SNX14: variants seen among roughly 807,000 people sequenced by gnomAD.
SNX14 encodes the protein sorting nexin-14.
In SNX14, 93 loss-of-function variants were observed where a neutral mutation model predicts 133.8. That is an observed-to-expected ratio of 0.70 (90% CI 0.59 to 0.83). The LOEUF (loss-of-function observed/expected upper bound fraction) is 0.83, where lower values mean the gene tolerates loss of function less well. Ranked by LOEUF, SNX14 falls within the 40% of genes least tolerant of loss-of-function variation. The pLI, the probability that SNX14 is intolerant of heterozygous loss-of-function variation, is 0.00. For missense variants in SNX14, 945 were observed against 1,094.9 expected, an observed-to-expected ratio of 0.86 and a Z score of 1.93; for synonymous variants, 368 against 365.6, an observed-to-expected ratio of 1.01 and a Z score of -0.07.
At position 85,547,205 on chromosome 6, in the gene SNX14, G is replaced by A. The variant is rs768876130; in HGVS notation, c.1015C>T (p.Gln339Ter). ...KPSVLKLELK[Q>*]IREQQDLLFR... ...AAAAGATCTTGTTGCTCTCTGATTTGCTTCAATTCTAACTTCAGCACCTTG... is the reference window on the plus strand; with the variant it reads ...AAAAGATCTTGTTGCTCTCTGATTTACTTCAATTCTAACTTCAGCACCTTG... The change falls in exon 12 of 29, where the codon CAA becomes TAA. Residue 339 changes from glutamine to a stop codon, truncating the protein, a stop_gained. Coordinates refer to ENST00000314673, the MANE Select transcript of SNX14 (RefSeq NM_153816.6). LOFTEE classifies it high-confidence loss of function. The A allele has an allele frequency of 6.2e-7, 1 of 1,613,980 alleles. No homozygotes were observed. The highest frequency in any genetic ancestry group is 8.5e-7 in the Non-Finnish European group (1 of 1,179,944).
At chr6:85,574,472 T>G (rs1796691343) in intron 1 of SNX14, 94 bp from the exon 2 acceptor site, 1 of 823,702 alleles carries the variant, frequency 1.2e-6, no homozygotes, top group African/African-American at 1.8e-5. Context: ...ATTAAGCACC[T>G]ACAATATCAG....
Position 85,514,164 on chromosome 6 carries a change from GT to G in SNX14, c.2462del (p.Asn821ThrfsTer15). On this transcript the variant is annotated frameshift_variant, in exon 25 of 29. Transcript: ENST00000314673. LOFTEE classifies it high-confidence loss of function. The stretch of plus-strand genomic sequence containing the variant: ...AGTAATCAGTATACATTTCCAGGGT[GT>G]TTTTAAAGAGGATTCGAGTTCCCAT... Reference protein sequence around the residue: ...LLMGTRILFKNTLEMYTDYYL... With the variant: ...LLMGTRILFKXTLEMYTDYYL... 6.2e-7 allele frequency: 1 copy of G among 1,614,022 alleles called. No homozygotes were observed. The highest frequency in any genetic ancestry group is 8.5e-7 in the Non-Finnish European group (1 of 1,179,946).
At chr6:85,556,506 T>C (rs1384303877) in intron 7 of SNX14, among the ~76,000 whole-genome samples, 3 of 148,482 alleles carry the variant, frequency 2.0e-5, no homozygotes, top group African/African-American at 7.5e-5. Context: ...AGTCTTGCTC[T>C]ATCACCCAGG....
At chr6:85,557,534 G>C (rs1376056389) in intron 7 of SNX14, among the ~76,000 whole-genome samples, 1 of 152,166 alleles carries the variant, frequency 6.6e-6, no homozygotes, top group East Asian at 1.9e-4. Context: ...TATCTGACTA[G>C]ATAGAAAAGG....
intron 4 of SNX14, among the ~76,000 whole-genome samples, 153 bp downstream of exon 4, chr6:85,571,984 G>C (rs775121950): frequency 2.0e-5 from 3 of 152,124 alleles, no homozygotes; most frequent in African/African-American, 4.8e-5. Flanking sequence ...TACTACTCAA[G>C]TTGTTTAGTC....
chr6:85,544,154 A>G (rs1784759356), intron 12 of SNX14, among the ~76,000 whole-genome samples: 1 of 152,222 alleles, frequency 6.6e-6, no homozygotes, highest in African/African-American at 2.4e-5. Flanking sequence ...TTTTTAAACA[A>G]TATTTCTATC....
intron 21 of SNX14, among the ~76,000 whole-genome samples, chr6:85,521,587 T>C (rs936243890): frequency 2.6e-5 from 4 of 152,190 alleles, no homozygotes; most frequent in Non-Finnish European, 5.9e-5. Context: ...TATCCATAAA[T>C]ATTTCCTCCC....
chr6:85,574,409 C>G (rs1796665410), intron 1 of SNX14, 31 bp from the exon 2 acceptor site: 1 of 1,453,328 alleles, frequency 6.9e-7, no homozygotes, highest in African/African-American at 1.4e-5. Flanking sequence ...ATTATTACAA[C>G]CAAAGAAAAT....
chr6:85,526,673 T>C (rs1778577249), intron 20 of SNX14, among the ~76,000 whole-genome samples: 1 of 152,208 alleles, frequency 6.6e-6, no homozygotes, highest in South Asian at 2.1e-4. Context: ...TCCTGATAAA[T>C]TTTTAAAAGT....
Position 85,574,299 on chromosome 6 carries a change from G to C in SNX14, c.220C>G (p.Leu74Val), listed in dbSNP as rs368201363. The change falls in exon 2 of 29, where the codon CTC becomes GTC. Residue 74 changes from leucine to valine, a missense_variant. Physicochemically the swap from Leu to Val is conservative, Grantham distance 32 (BLOSUM62 1). Around this residue, in one of 3 missense-constraint regions of SNX14, gnomAD observed 514 missense variants for 538.8 expected, o/e 0.95. Transcript: ENST00000314673. ...ATTGTGAAGAATATATTTGGTAAGA[G>C]AGAATCAGGTCCTAGTGAGCAGTAG... ...TFYCSLGPDS[L>V]LPNIFFTIKY... 1.9e-6 allele frequency: 3 copies of C among 1,595,984 alleles called. No individual in the cohort carries two copies. The highest frequency in any genetic ancestry group is 1.3e-5 in the African/African-American group (1 of 74,726).
At chr6:85,566,512 AC>A (rs1793889340) in intron 5 of SNX14, among the ~76,000 whole-genome samples, 1 of 152,070 alleles carries the variant, frequency 6.6e-6, no homozygotes, top group Non-Finnish European at 1.5e-5. Context: ...AGCCTGACCA[AC>A]ATGGGGAAAC....
chr6:85,573,679 ATCATT>A (rs1796387919), intron 2 of SNX14, among the ~76,000 whole-genome samples: 1 of 152,206 alleles, frequency 6.6e-6, no homozygotes, highest in Non-Finnish European at 1.5e-5. Context: ...ATAGGATTAG[ATCATT>A]TAACCCAGAA....
chr6:85,506,973 C>A (rs1337884000), intron 28 of SNX14, among the ~76,000 whole-genome samples: 1 of 152,094 alleles, frequency 6.6e-6, no homozygotes, highest in Admixed American at 6.5e-5. Flanking sequence ...ACTTCTTCCC[C>A]TGGAAAGACT....
intron 18 of SNX14, among the ~76,000 whole-genome samples, chr6:85,532,806 T>C (rs926039974): frequency 5.3e-5 from 8 of 152,232 alleles, no homozygotes; most frequent in African/African-American, 1.9e-4. Context: ...CCGGTCTCTA[T>C]TACAGTCTAT....
chr6:85,588,934 G>C (rs1189698689), intron 1 of SNX14: 1 of 454,486 alleles, frequency 2.2e-6, no homozygotes. Flanking sequence ...CTGAAGAGGA[G>C]GGGTTGGTCT....
At chr6:85,518,212 T>C (rs890389148) in intron 21 of SNX14, among the ~76,000 whole-genome samples, 164 bp from the exon 22 acceptor site, 3 of 152,116 alleles carry the variant, frequency 2.0e-5, no homozygotes, top group Admixed American at 6.6e-5. Context: ...TCAATAAATA[T>C]GGTATTCTGA....
intron 4 of SNX14, among the ~76,000 whole-genome samples, chr6:85,569,684 G>A (rs1413047200): frequency 6.6e-6 from 1 of 152,086 alleles, no homozygotes; most frequent in Admixed American, 6.6e-5. Context: ...ATTGAGTTCT[G>A]TAATCAACCA....
intron 23 of SNX14, among the ~76,000 whole-genome samples, chr6:85,517,079 T>C (rs1218297316): frequency 6.6e-6 from 1 of 152,190 alleles, no homozygotes; most frequent in Non-Finnish European, 1.5e-5. Flanking sequence ...TCTGCAACAA[T>C]TGTGTCAATA....
rs757891999 is a variant in SNX14 at position 85,572,361 on chromosome 6, T to C, written c.275A>G (p.Gln92Arg). Reference protein sequence around the residue: ...IKYKPKQLGLQELFPQGHSCA... With the variant: ...IKYKPKQLGLRELFPQGHSCA... ...GCTATGACCTTGAGGAAATAATTCC[T>C]GAAGTCCTAACTGCTAAAAAAGGAA... The change falls in exon 3 of 29, where the codon CAG becomes CGG. Residue 92 changes from glutamine to arginine, a missense_variant. By Grantham distance (43) the Gln-to-Arg change is conservative. Coordinates refer to ENST00000314673, the MANE Select transcript of SNX14 (RefSeq NM_153816.6). 2 of 1,613,112 alleles carry C rather than the reference T, an allele frequency of 1.2e-6. No individual in the cohort carries two copies. The highest frequency in any genetic ancestry group is 2.2e-5 in the East Asian group (1 of 44,808).
Sources: gnomAD v4.1 joint callset for allele counts (sites outside exome capture counted in the v4.1 genomes callset) on GRCh38, gnomAD v4.1.1 for gene constraint, gnomAD v4.1.1 regional missense constraint, MANE v1.5 for transcripts, NCBI Gene and HGNC (gene_info 2026-07-23, HGNC 2026-07-21) for gene names.